Variants in AKAP19 observed in about 807,000 individuals in gnomAD.
AKAP19 encodes small A-kinase anchoring protein.
At chr2:189,901,242 T>G in the AKAP19 span, among the ~76,000 whole-genome samples, 4 of 149,866 alleles carry the variant, frequency 2.7e-5, no homozygotes, top group Non-Finnish European at 4.5e-5. Context: ...TATTAGAGAG[T>G]TTTTTTTTTA....
At chr2:190,064,878 G>A in the AKAP19 span, among the ~76,000 whole-genome samples, 1 of 152,020 alleles carries the variant, frequency 6.6e-6, no homozygotes, top group African/African-American at 2.4e-5. Context: ...TGTCATTTCC[G>A]CTAACAGACA....
At chr2:190,088,235 G>A in the AKAP19 span, among the ~76,000 whole-genome samples, 1 of 152,136 alleles carries the variant, frequency 6.6e-6, no homozygotes, top group East Asian at 1.9e-4. Context: ...CCATGATCGT[G>A]ATATGTCTGG....
At chr2:189,975,530 C>T in the AKAP19 span, among the ~76,000 whole-genome samples, 1 of 152,168 alleles carries the variant, frequency 6.6e-6, no homozygotes, top group African/African-American at 2.4e-5. Context: ...GTTGGCCTGC[C>T]TTACTAGGTT....
At chr2:190,194,106 G>T in the AKAP19 span, among the ~76,000 whole-genome samples, 623 of 152,132 alleles carry the variant, frequency 4.1e-3, 1 homozygote, top group Non-Finnish European at 6.8e-3. Flanking sequence ...TACTCTCTGG[G>T]GTGGTTAGAA....
chr2:190,008,144 T>C, the AKAP19 span, among the ~76,000 whole-genome samples: 1 of 152,254 alleles, frequency 6.6e-6, no homozygotes, highest in South Asian at 2.1e-4. Context: ...CTGAAATATC[T>C]GTTGGTGCTA....
the AKAP19 span, among the ~76,000 whole-genome samples, chr2:190,127,974 T>A: frequency 6.6e-6 from 1 of 151,992 alleles, no homozygotes; most frequent in Non-Finnish European, 1.5e-5. Context: ...AGATATAAAA[T>A]TTAAATAAGT....
chr2:190,004,583 A>ATTT, the AKAP19 span, among the ~76,000 whole-genome samples: 3 of 145,402 alleles, frequency 2.1e-5, no homozygotes, highest in African/African-American at 7.5e-5. Flanking sequence ...AAACCTTTTT[A>ATTT]TTTTTTTTTT....
chr2:189,931,504 G>T, the AKAP19 span, among the ~76,000 whole-genome samples: 1 of 152,118 alleles, frequency 6.6e-6, no homozygotes, highest in East Asian at 1.9e-4. Flanking sequence ...TAGGACTACA[G>T]GTACACATCA....
At chr2:190,047,473 A>G in the AKAP19 span, among the ~76,000 whole-genome samples, 1 of 152,210 alleles carries the variant, frequency 6.6e-6, no homozygotes, top group Non-Finnish European at 1.5e-5. Context: ...TGTCAGGACA[A>G]GTGTCAACTG....
At chr2:190,026,216 A>C in the AKAP19 span, among the ~76,000 whole-genome samples, 1 of 152,190 alleles carries the variant, frequency 6.6e-6, no homozygotes, top group Non-Finnish European at 1.5e-5. Context: ...GGCTATGTCC[A>C]CAGGCCAAAT....
chr2:190,015,071 G>A, the AKAP19 span, among the ~76,000 whole-genome samples: 5 of 152,074 alleles, frequency 3.3e-5, no homozygotes, highest in Non-Finnish European at 5.9e-5. Context: ...GCAAGCTGTC[G>A]GTTGATCTGT....
chr2:190,102,925 A>G, the AKAP19 span, among the ~76,000 whole-genome samples: 5 of 152,182 alleles, frequency 3.3e-5, no homozygotes, highest in Non-Finnish European at 7.4e-5. Flanking sequence ...CCTGATGAAC[A>G]TAGATACAGA....
chr2:189,991,412 C>T, the AKAP19 span, among the ~76,000 whole-genome samples: 1 of 152,258 alleles, frequency 6.6e-6, no homozygotes, highest in South Asian at 2.1e-4. Context: ...GGTAGTATCT[C>T]ATTGTAGTTT....
chr2:189,921,670 A>G, the AKAP19 span, among the ~76,000 whole-genome samples: 3 of 152,200 alleles, frequency 2.0e-5, no homozygotes, highest in Non-Finnish European at 2.9e-5. Context: ...GAATGTTTCA[A>G]TAGAGAGGGA....
At chr2:190,150,846 A>G in the AKAP19 span, among the ~76,000 whole-genome samples, 1 of 151,560 alleles carries the variant, frequency 6.6e-6, no homozygotes, top group Non-Finnish European at 1.5e-5. Flanking sequence ...TAGCCTCTCC[A>G]ATAATGTACT....
At chr2:190,062,652 CT>C in the AKAP19 span, 1 of 1,570,272 alleles carries the variant, frequency 6.4e-7, no homozygotes, top group Non-Finnish European at 8.6e-7. Context: ...TTTTACTTTT[CT>C]TTTGCTTTTG....
chr2:190,090,023 C>T, the AKAP19 span, among the ~76,000 whole-genome samples: 2 of 151,926 alleles, frequency 1.3e-5, no homozygotes, highest in African/African-American at 4.9e-5. Flanking sequence ...CCAAACTACT[C>T]TACTTAACCT....
the AKAP19 span, among the ~76,000 whole-genome samples, chr2:190,041,589 T>G: frequency 6.6e-6 from 1 of 152,226 alleles, no homozygotes; most frequent in Non-Finnish European, 1.5e-5. Context: ...CATCCTTGTT[T>G]TGTGCCAGTT....
chr2:190,187,821 C>A, the AKAP19 span, among the ~76,000 whole-genome samples: 2 of 152,192 alleles, frequency 1.3e-5, no homozygotes, highest in Admixed American at 1.3e-4. Flanking sequence ...CCACTGTACT[C>A]CAGCCCAGGC....
Sources: allele counts gnomAD v4.1 joint callset (sites outside exome capture counted in the v4.1 genomes callset), GRCh38; gene constraint gnomAD v4.1.1; transcripts MANE v1.5; gene names NCBI Gene and HGNC (gene_info 2026-07-23, HGNC 2026-07-21).